The following SLC14A2 variants were observed in gnomAD, a reference collection of about 807,000 sequenced individuals.
SLC14A2 encodes urea transporter 2.
SLC14A2 carries 91 observed loss-of-function variants against 104.6 expected under a neutral mutation model. The ratio of observed to expected loss-of-function variants is 0.87; its 90% CI spans 0.73 to 1.04. The LOEUF is 1.04. Among genes scored for constraint, SLC14A2 ranks in the 50% least tolerant of loss-of-function variants. The pLI is 0.00. For synonymous variants in SLC14A2, 476 were observed against 466.4 expected (o/e 1.02, Z -0.27); for missense variants, 1,189 against 1,156.0 (o/e 1.03, Z -0.41).
intron 2 of SLC14A2, 127 bp from the exon 3 acceptor site, chr18:45,625,556 A>G (rs1311778104): frequency 3.0e-6 from 2 of 664,276 alleles, no homozygotes; most frequent in Non-Finnish European, 4.7e-6. Context: ...GACAATGGGC[A>G]TGTGTTCCAC....
intron 1 of SLC14A2, among the ~76,000 whole-genome samples, chr18:45,409,086 C>T (rs898292854): frequency 2.6e-5 from 4 of 152,090 alleles, no homozygotes; most frequent in Admixed American, 2.0e-4. Context: ...CCAGTTGCAG[C>T]CCCCCAAGGA....
At chr18:45,279,271 T>A (rs1307572624) in intron 1 of SLC14A2, among the ~76,000 whole-genome samples, 2 of 152,260 alleles carry the variant, frequency 1.3e-5, no homozygotes, top group African/African-American at 4.8e-5. Context: ...CTGAAATTTA[T>A]GTACAATATT....
In SLC14A2 at chr18:45,580,834, T is replaced by C. The variant is rs574216981; in HGVS notation, c.-34-43797T>C. ...TAAGATTGTAATTTAAGGCAGACAGTGGGCAAGGGATTCAACTTTAAGATG... is the reference window on the plus strand; with the variant it reads ...TAAGATTGTAATTTAAGGCAGACAGCGGGCAAGGGATTCAACTTTAAGATG... On this transcript the variant is annotated intron_variant, in intron 2 of 20. Coordinates refer to the SLC14A2 transcript ENST00000586448. Among the ~76,000 whole-genome samples, 8 of 152,064 alleles carry C rather than the reference T, an allele frequency of 5.3e-5. No homozygotes were observed. The East Asian group carries it at 1.5e-3, about 29-fold the overall frequency.
rs2085870979 is a variant in SLC14A2, at chr18:45,384,327, T to C, written c.-124-98906T>C. Among the ~76,000 whole-genome samples the C allele has an allele frequency of 2.0e-5, 3 of 152,142 alleles. No individual in the cohort carries two copies. In the South Asian group the frequency reaches 6.2e-4, roughly 31 times the overall value. On this transcript the variant is annotated intron_variant, in intron 1 of 20. Transcript: ENST00000586448. The stretch of plus-strand genomic sequence containing the variant: ...CAAAGTGAATAGCAGCATGGCATTG[T>C]GGAAAGCACCCTCCCTGGACCAGTC...
chr18:45,382,078 A>T (rs2085844569), intron 1 of SLC14A2, among the ~76,000 whole-genome samples: 1 of 152,128 alleles, frequency 6.6e-6, no homozygotes, highest in Admixed American at 6.5e-5. Context: ...CTCCTGTACA[A>T]TTGTGTTCTA....
chr18:45,522,632 T>C (rs372609669), intron 2 of SLC14A2, among the ~76,000 whole-genome samples: 1 of 152,232 alleles, frequency 6.6e-6, no homozygotes, highest in Non-Finnish European at 1.5e-5. Flanking sequence ...GTTTTGGTAA[T>C]AGCACTTTCT....
intron 19 of SLC14A2, 116 bp from the exon 20 acceptor site, chr18:45,682,203 T>A: frequency 1.2e-6 from 1 of 839,100 alleles, no homozygotes; most frequent in Non-Finnish European, 2.1e-6. Context: ...CAATGAAGTA[T>A]CAATGCCCTC....
chr18:45,359,105 G>T (rs1430976865), intron 1 of SLC14A2, among the ~76,000 whole-genome samples: 2 of 152,318 alleles, frequency 1.3e-5, no homozygotes, highest in South Asian at 2.1e-4. Context: ...AGTCTCTGAA[G>T]TATACCAAGC....
chr18:45,171,962 G>A, the SLC14A2 span, among the ~76,000 whole-genome samples: 4 of 152,068 alleles, frequency 2.6e-5, no homozygotes, highest in Admixed American at 2.0e-4. Context: ...GTTTAGGGAG[G>A]CAGTTTTTCT....
Position 45,524,401 on chromosome 18 carries a change from G to C in SLC14A2, c.-35+41079G>C, listed in dbSNP as rs191951733. On this transcript the variant is annotated intron_variant, in intron 2 of 20. Coordinates refer to the SLC14A2 transcript ENST00000586448. The stretch of plus-strand genomic sequence containing the variant: ...GGGACTTGAAGACCCAGTAGGGTGT[G>C]AATAGAATGCAAGAAAGAAAAGACA... Among the ~76,000 whole-genome samples the C allele has an allele frequency of 8.5e-5, 13 of 152,276 alleles. No individual in the cohort carries two copies. In the East Asian group the frequency reaches 2.5e-3, roughly 29 times the overall value.
chr18:45,234,386 G>T (rs1160289461), intron 1 of SLC14A2, among the ~76,000 whole-genome samples: 1 of 152,184 alleles, frequency 6.6e-6, no homozygotes. Flanking sequence ...TTGGGCATCT[G>T]TTAAGTCTTT....
chr18:45,452,553 T>C (rs1208346513), intron 1 of SLC14A2, among the ~76,000 whole-genome samples: 1 of 152,226 alleles, frequency 6.6e-6, no homozygotes, highest in Non-Finnish European at 1.5e-5. Flanking sequence ...GTGAATGCCA[T>C]AGAAATTAGG....
intron 1 of SLC14A2, among the ~76,000 whole-genome samples, chr18:45,623,860 A>ATAAG (rs1458978184): frequency 1.3e-5 from 2 of 152,202 alleles, no homozygotes; most frequent in African/African-American, 4.8e-5. Flanking sequence ...AAATAAATAA[A>ATAAG]AAGATATAAC....
chr18:45,309,773 T>G (rs2085059866), intron 1 of SLC14A2, among the ~76,000 whole-genome samples: 1 of 152,224 alleles, frequency 6.6e-6, no homozygotes, highest in Non-Finnish European at 1.5e-5. Flanking sequence ...TTGTAGCCAC[T>G]ACCCAACTTC....
At chr18:45,502,163 C>T (rs2043208693) in intron 2 of SLC14A2, among the ~76,000 whole-genome samples, 1 of 152,114 alleles carries the variant, frequency 6.6e-6, no homozygotes, top group African/African-American at 2.4e-5. Context: ...AGGCAGATTC[C>T]CAAATTCCAC....
chr18:45,668,254 A>G, intron 14 of SLC14A2, 95 bp from the exon 15 acceptor site: 3 of 1,515,046 alleles, frequency 2.0e-6, no homozygotes, highest in Non-Finnish European at 2.7e-6. Flanking sequence ...AGGCGTGTGT[A>G]GTCAGGCCCC....
intron 2 of SLC14A2, among the ~76,000 whole-genome samples, chr18:45,514,426 C>T (rs1212346888): frequency 1.3e-5 from 2 of 152,190 alleles, no homozygotes; most frequent in African/African-American, 2.4e-5. Context: ...GATCTAATCA[C>T]CTCCCACAAG....
At chr18:45,309,843 G>A (rs2085060523) in intron 1 of SLC14A2, among the ~76,000 whole-genome samples, 1 of 152,046 alleles carries the variant, frequency 6.6e-6, no homozygotes, top group Non-Finnish European at 1.5e-5. Flanking sequence ...CCTATCCCAT[G>A]TCCCTCCTTT....
At chr18:45,265,961 A>T (rs930183749) in intron 1 of SLC14A2, among the ~76,000 whole-genome samples, 1 of 152,216 alleles carries the variant, frequency 6.6e-6, no homozygotes, top group Non-Finnish European at 1.5e-5. Flanking sequence ...AGAGACAAAC[A>T]GTAGTTAATT....
Sources: gnomAD v4.1 joint callset for allele counts (sites outside exome capture counted in the v4.1 genomes callset) on GRCh38, gnomAD v4.1.1 for gene constraint, MANE v1.5 for transcripts, NCBI Gene and HGNC (gene_info 2026-07-23, HGNC 2026-07-21) for gene names.